ZDHHC23: variants seen among roughly 807,000 people sequenced by gnomAD.
ZDHHC23 encodes palmitoyltransferase ZDHHC23.
Under a neutral mutation model 40.2 loss-of-function variants are expected in ZDHHC23, and 41 were observed. The observed-to-expected ratio is 1.02, with a 90% CI of 0.79 to 1.32. The LOEUF (loss-of-function observed/expected upper bound fraction) is 1.32, where lower values mean the gene tolerates loss of function less well. Ranked by LOEUF, ZDHHC23 falls within the 40% of genes most tolerant of loss-of-function variation. The probability of loss-of-function intolerance (pLI) is 0.00; values close to 1 mark genes in which losing one functional copy is unlikely to be tolerated. For synonymous variants in ZDHHC23, 204 were observed against 210.2 expected, an observed-to-expected ratio of 0.97 and a Z score of 0.26; for missense variants, 471 against 541.5, an observed-to-expected ratio of 0.87 and a Z score of 1.29.
the ZDHHC23 span, chr3:113,978,604 A>G: frequency 3.4e-6 from 2 of 587,552 alleles, no homozygotes; most frequent in Admixed American, 3.3e-5. Context: ...AGAAATGACT[A>G]TAAAAACAAA....
chr3:113,971,230 G>C, the ZDHHC23 span, among the ~76,000 whole-genome samples: 1 of 152,200 alleles, frequency 6.6e-6, no homozygotes, highest in Middle Eastern at 3.4e-3. Flanking sequence ...AGCACCTGTT[G>C]TTTCCTGACT....
rs1939685829 is a variant in ZDHHC23, at chr3:113,961,637, G to C, written c.*3007G>C. ...TGTGTTTAGGATATTGTAAATCTTTGCTAAGTAGTGTTTTCCTTGGTGAAT... is the reference window on the plus strand; with the variant it reads ...TGTGTTTAGGATATTGTAAATCTTTCCTAAGTAGTGTTTTCCTTGGTGAAT... On this transcript the variant is annotated 3_prime_UTR_variant, in exon 5 of 5. Coordinates refer to ENST00000638807, the MANE Select transcript of ZDHHC23 (RefSeq NM_001320466.2). The C allele has an allele frequency of 6.6e-6, 1 of 152,624 alleles. No individual in the cohort carries two copies. 9.5% of individuals were successfully genotyped at this position (152,624 alleles called of 1,614,324 possible).
At position 113,948,947 on chromosome 3, in the gene ZDHHC23, G is replaced by A; in HGVS notation, c.145G>A (p.Asp49Asn). The change falls in exon 2 of 5, where the codon GAT (aspartate) becomes AAT (asparagine). Residue 49 changes from aspartate (D) to asparagine (N), a missense_variant. This residue lies in a region of ZDHHC23 where 83 missense variants were observed against 67.8 expected (regional missense o/e 1.22). Coordinates refer to ENST00000638807, the MANE Select transcript of ZDHHC23 (RefSeq NM_001320466.2). ...TTGTTTGTGTGATTGTCAAGATCTG[G>A]ATGAAGGGTGTGATCGGTAAGAACA... ...ATCLCDCQDLDEGCDRWITCK... is the reference protein window; with the variant it reads ...ATCLCDCQDLNEGCDRWITCK... 1 of 1,614,210 alleles carries A rather than the reference G, an allele frequency of 6.2e-7. No individual in the cohort carries two copies. The highest frequency in any genetic ancestry group is 1.1e-5 in the South Asian group (1 of 91,088).
At chr3:113,957,545 C>T (rs944517378) in intron 4 of ZDHHC23, 3 of 381,692 alleles carry the variant, frequency 7.9e-6, no homozygotes, top group South Asian at 5.9e-5. Context: ...GCGAGGGAAC[C>T]GAGGAATACA....
downstream of ZDHHC23, among the ~76,000 whole-genome samples, chr3:113,969,957 A>G (rs1256270950): frequency 1.3e-5 from 2 of 152,206 alleles, no homozygotes; most frequent in East Asian, 1.9e-4. Context: ...CATTTTAACT[A>G]TAAGAAGTCT....
Position 113,959,625 on chromosome 3 carries a change from G to A in ZDHHC23, c.*995G>A. Reference sequence around the variant, plus strand: ...GGTAGGAAGGCTGAGTAACATCACGGGCTCGATTATTTTCTTCATGTATTT... The same window carrying A: ...GGTAGGAAGGCTGAGTAACATCACGAGCTCGATTATTTTCTTCATGTATTT... On this transcript the variant is annotated 3_prime_UTR_variant, in exon 5 of 5. Coordinates refer to ENST00000638807, the MANE Select transcript of ZDHHC23 (RefSeq NM_001320466.2). 8.5e-7 allele frequency: 1 copy of A among 1,181,630 alleles called. No homozygotes were observed. Among genetic ancestry groups the A allele is most frequent in the Non-Finnish European group, 1.1e-6 (1 of 915,694 alleles). The allele number at this position is 1,181,630 out of a possible 1,614,324, so 73.2% of individuals were successfully genotyped here. A position where few individuals can be genotyped will look rare whatever the true frequency, so the allele number is the denominator to read the frequency against.
At chr3:113,949,053 A>G in intron 2 of ZDHHC23, 90 bp downstream of exon 2, 1 of 1,518,396 alleles carries the variant, frequency 6.6e-7, no homozygotes, top group Non-Finnish European at 8.9e-7. Context: ...GAATGCTAGA[A>G]TTTGCTCTTG....
At chr3:113,979,327 T>G in the ZDHHC23 span, among the ~76,000 whole-genome samples, 1 of 152,198 alleles carries the variant, frequency 6.6e-6, no homozygotes, top group Non-Finnish European at 1.5e-5. Context: ...CTGGCAACAT[T>G]CTCAATTTGC....
At chr3:113,954,989 A>C (rs2107478472) in intron 3 of ZDHHC23, among the ~76,000 whole-genome samples, 1 of 152,372 alleles carries the variant, frequency 6.6e-6, no homozygotes, top group Admixed American at 6.5e-5. Flanking sequence ...AAGGTACATA[A>C]GGCTCCGTAA....
chr3:113,958,760 C>T lies in ZDHHC23; in HGVS notation c.*130C>T. ...ATAGGGCCATGCTCAGGTTTAGAGA[C>T]TGGAGTGGGAAGAAGTTAATTTTTC... On this transcript the variant is annotated 3_prime_UTR_variant, in exon 5 of 5. Transcript: ENST00000638807. 6.4e-7 allele frequency: 1 copy of T among 1,567,796 alleles called. No individual in the cohort carries two copies. Among genetic ancestry groups the T allele is most frequent in the South Asian group, 1.1e-5 (1 of 89,264 alleles).
chr3:113,978,456 G>C, the ZDHHC23 span: 2 of 978,898 alleles, frequency 2.0e-6, no homozygotes, highest in Non-Finnish European at 3.0e-6. Context: ...GACATACAAA[G>C]AAAAGGATAA....
chr3:113,951,508 G>A (rs1938658276), intron 2 of ZDHHC23, among the ~76,000 whole-genome samples: 1 of 152,172 alleles, frequency 6.6e-6, no homozygotes, highest in African/African-American at 2.4e-5. Flanking sequence ...TGCCATGGAG[G>A]GTGCACCAGA....
At chr3:113,978,572 G>C in the ZDHHC23 span, 2 of 585,050 alleles carry the variant, frequency 3.4e-6, no homozygotes, top group East Asian at 5.7e-5. Flanking sequence ...TAAATCACTT[G>C]AGCACTGTGA....
downstream of ZDHHC23, among the ~76,000 whole-genome samples, chr3:113,967,339 C>T (rs1375506051): frequency 6.6e-6 from 1 of 151,532 alleles, no homozygotes; most frequent in Non-Finnish European, 1.5e-5. Flanking sequence ...ATGTTCTCCC[C>T]TTTGGGTGAA....
intron 3 of ZDHHC23, 149 bp from the exon 4 acceptor site, chr3:113,956,190 T>C (rs1178753738): frequency 2.7e-5 from 21 of 768,630 alleles, no homozygotes; most frequent in South Asian, 1.9e-4. Flanking sequence ...GAGGTTGCAG[T>C]GAGCCAAGAT....
downstream of ZDHHC23, among the ~76,000 whole-genome samples, chr3:113,968,778 A>AT (rs143593615): frequency 1.5e-3 from 225 of 150,732 alleles, no homozygotes; most frequent in African/African-American, 5.1e-3. Context: ...TTTAAATTGG[A>AT]TTTTTTTTTG....
In ZDHHC23 at chr3:113,948,797, C is replaced by G. The variant is rs776242085; in HGVS notation, c.-6C>G. 6.2e-7 allele frequency: 1 copy of G among 1,614,058 alleles called. No individual in the cohort carries two copies. The highest frequency in any genetic ancestry group is 8.5e-7 in the Non-Finnish European group (1 of 1,180,016). ...TTCTTACGCCTCATGGTGACAGGTG[C>G]AAATCATGACACAGAAGGGCAGTAT... On this transcript the variant is annotated 5_prime_UTR_variant, in exon 2 of 5. Transcript: ENST00000638807.
chr3:113,948,516 C>T (rs951722782), intron 1 of ZDHHC23, 170 bp from the exon 2 acceptor site: 10 of 350,272 alleles, frequency 2.9e-5, no homozygotes, highest in Non-Finnish European at 4.7e-5. Flanking sequence ...CGGCTGTCGC[C>T]ATAGGAACGG....
chr3:113,959,689 G>C lies in ZDHHC23; in HGVS notation c.*1059G>C. The C allele has an allele frequency of 2.7e-6, 3 of 1,127,566 alleles. No individual in the cohort carries two copies. The highest frequency in any genetic ancestry group is 3.4e-6 in the Non-Finnish European group (3 of 893,134). 69.8% of individuals were successfully genotyped at this position (1,127,566 alleles called of 1,614,324 possible). A position where few individuals can be genotyped will look rare whatever the true frequency, so the allele number is the denominator to read the frequency against. ...TTATAGCACTAAATTGTGAAAATCA[G>C]CCTTCTGGCATTCACATTATTCTGG... On this transcript the variant is annotated 3_prime_UTR_variant, in exon 5 of 5. Coordinates refer to ENST00000638807, the MANE Select transcript of ZDHHC23 (RefSeq NM_001320466.2).
Sources: allele counts gnomAD v4.1 joint callset (sites outside exome capture counted in the v4.1 genomes callset), GRCh38; gene constraint gnomAD v4.1.1; regional missense constraint gnomAD v4.1.1; transcripts MANE v1.5; gene names NCBI Gene and HGNC (gene_info 2026-07-23, HGNC 2026-07-21).